The following CTNND2 variants were observed in gnomAD, a reference collection of about 807,000 sequenced individuals.
The protein encoded by CTNND2 is catenin delta 2, also known as catenin delta-2.
CTNND2 carries 22 observed loss-of-function variants against 144.4 expected under a neutral mutation model. The ratio of observed to expected loss-of-function variants is 0.15; its 90% CI spans 0.11 to 0.22. The LOEUF (loss-of-function observed/expected upper bound fraction) is 0.22, where lower values mean the gene tolerates loss of function less well. CTNND2 is among the 10% of genes least tolerant of loss of function. CTNND2 has a pLI of 1.00. For synonymous variants in CTNND2, 751 were observed against 695.6 expected, an observed-to-expected ratio of 1.08 and a Z score of -1.25; for missense variants, 1,353 against 1,618.8, an observed-to-expected ratio of 0.84 and a Z score of 2.82.
intron 2 of CTNND2, among the ~76,000 whole-genome samples, chr5:11,602,716 T>C (rs891818439): frequency 1.4e-5 from 2 of 144,556 alleles, no homozygotes; most frequent in Non-Finnish European, 3.0e-5. Flanking sequence ...TATATTATAT[T>C]ATATATTTTA....
intron 2 of CTNND2, among the ~76,000 whole-genome samples, chr5:11,629,181 A>G (rs766849431): frequency 1.3e-4 from 20 of 152,136 alleles, no homozygotes; most frequent in Non-Finnish European, 2.1e-4. Flanking sequence ...CCATGCCAAT[A>G]TTTTTGAGTA....
chr5:11,807,823 A>G (rs1387653098), intron 1 of CTNND2, among the ~76,000 whole-genome samples: 1 of 152,210 alleles, frequency 6.6e-6, no homozygotes, highest in African/African-American at 2.4e-5. Flanking sequence ...GTTTCTGAAC[A>G]TATATTAAAA....
chr5:11,852,971 G>A (rs915581971), intron 1 of CTNND2, among the ~76,000 whole-genome samples: 2 of 152,018 alleles, frequency 1.3e-5, no homozygotes, highest in African/African-American at 4.8e-5. Context: ...CTCTTTTGAT[G>A]TTTTTCTCTC....
chr5:10,981,954 G>A (rs982916306), intron 20 of CTNND2, 108 bp from the exon 21 acceptor site: 16 of 855,744 alleles, frequency 1.9e-5, no homozygotes, highest in East Asian at 1.7e-4. Context: ...TTTTCTTGGG[G>A]ACCATTCCAA....
intron 1 of CTNND2, among the ~76,000 whole-genome samples, chr5:11,808,500 C>T (rs778944268): frequency 1.5e-3 from 231 of 152,336 alleles, no homozygotes; most frequent in Non-Finnish European, 1.7e-3. Flanking sequence ...TTCTGCAGCT[C>T]TTGGTCTGCA....
intron 16 of CTNND2, among the ~76,000 whole-genome samples, chr5:11,040,268 A>G (rs1744565949): frequency 1.3e-5 from 2 of 151,784 alleles, no homozygotes; most frequent in Non-Finnish European, 2.9e-5. Flanking sequence ...ACAAAAACAA[A>G]AAGCACAGAC....
chr5:10,985,314 G>A (rs545707253), intron 20 of CTNND2, among the ~76,000 whole-genome samples: 4 of 152,100 alleles, frequency 2.6e-5, no homozygotes, highest in Non-Finnish European at 5.9e-5. Context: ...GCAAGAACTC[G>A]CTATGGAAGC....
At chr5:11,180,953 AC>A (rs768736319) in intron 11 of CTNND2, among the ~76,000 whole-genome samples, 28 of 152,266 alleles carry the variant, frequency 1.8e-4, no homozygotes, top group Non-Finnish European at 3.5e-4. Context: ...GACAGAGTCT[AC>A]TAGTATGTGG....
intron 1 of CTNND2, among the ~76,000 whole-genome samples, chr5:11,823,019 T>C (rs1793398876): frequency 6.6e-6 from 1 of 152,208 alleles, no homozygotes; most frequent in African/African-American, 2.4e-5. Flanking sequence ...AAATATTCAA[T>C]TGCCTGTTAA....
At chr5:11,266,282 G>A (rs116592256) in intron 9 of CTNND2, among the ~76,000 whole-genome samples, 304 of 152,206 alleles carry the variant, frequency 2.0e-3, no homozygotes, top group African/African-American at 6.8e-3. Context: ...GTTGAGCATG[G>A]CAAAATCACA....
intron 3 of CTNND2, among the ~76,000 whole-genome samples, chr5:11,552,951 G>A (rs1333467509): frequency 6.6e-6 from 1 of 152,178 alleles, no homozygotes; most frequent in Non-Finnish European, 1.5e-5. Context: ...GGAAGACAGA[G>A]TGGATATGAT....
intron 1 of CTNND2, among the ~76,000 whole-genome samples, chr5:11,745,423 G>A (rs1026391221): frequency 6.6e-6 from 1 of 152,162 alleles, no homozygotes; most frequent in Non-Finnish European, 1.5e-5. Context: ...ATACGTATAT[G>A]AGTTTCCAAG....
chr5:11,810,461 TCAAG>T (rs1199798304), intron 1 of CTNND2, among the ~76,000 whole-genome samples: 1 of 118,472 alleles, frequency 8.4e-6, no homozygotes, highest in South Asian at 3.7e-4. Flanking sequence ...AACCATTGCC[TCAAG>T]CAATGTTGTG....
chr5:11,498,311 C>A (rs1303522472), intron 3 of CTNND2, among the ~76,000 whole-genome samples: 1 of 152,032 alleles, frequency 6.6e-6, no homozygotes, highest in Non-Finnish European at 1.5e-5. Flanking sequence ...CAGCTCATCA[C>A]CAAGTTCGAC....
At chr5:11,863,102 G>A (rs926731501) in intron 1 of CTNND2, among the ~76,000 whole-genome samples, 14 of 152,094 alleles carry the variant, frequency 9.2e-5, no homozygotes, top group African/African-American at 1.9e-4. Context: ...GAACTTACAC[G>A]AAAATGTCCA....
intron 11 of CTNND2, among the ~76,000 whole-genome samples, chr5:11,160,368 T>C (rs999151685): frequency 2.6e-5 from 4 of 152,096 alleles, no homozygotes; most frequent in Admixed American, 6.5e-5. Flanking sequence ...CCTTAAATAA[T>C]GACAAAGGGA....
At position 11,176,787 on chromosome 5, in the gene CTNND2, C is replaced by T. The variant is rs528409131; in HGVS notation, c.1976-17028G>A. Among the ~76,000 whole-genome samples the T allele has an allele frequency of 5.9e-5, 9 of 152,228 alleles. No individual in the cohort carries two copies. In the South Asian group the frequency reaches 1.9e-3, roughly 32 times the overall value. ...ACCATAACCTGACTGTGCTCACCCC[C>T]TCTGTTTATCTCAACTGGCTATTTA... On this transcript the variant is annotated intron_variant, in intron 11 of 21. Coordinates refer to ENST00000304623, the MANE Select transcript of CTNND2 (RefSeq NM_001332.4).
chr5:11,621,069 T>C (rs145601789), intron 2 of CTNND2, among the ~76,000 whole-genome samples: 145 of 152,308 alleles, frequency 9.5e-4, no homozygotes, highest in African/African-American at 2.8e-3. Flanking sequence ...GAACGGTGTA[T>C]ATGTGAGTGG....
intron 15 of CTNND2, among the ~76,000 whole-genome samples, chr5:11,097,357 T>G (rs1259616668): frequency 6.6e-6 from 1 of 152,188 alleles, no homozygotes; most frequent in Non-Finnish European, 1.5e-5. Flanking sequence ...AATCTCTGGT[T>G]GCAAGCAAGA....
Sources: allele counts gnomAD v4.1 joint callset (sites outside exome capture counted in the v4.1 genomes callset), GRCh38; gene constraint gnomAD v4.1.1; transcripts MANE v1.5; gene names NCBI Gene and HGNC (gene_info 2026-07-23, HGNC 2026-07-21).